Variants in DENND4C observed in about 807,000 individuals in gnomAD.
The protein encoded by DENND4C is DENN domain containing 4C, also known as DENN domain-containing protein 4C.
In DENND4C, 108 loss-of-function variants were observed where a neutral mutation model predicts 203.0. The observed-to-expected ratio is 0.53, with a 90% CI of 0.46 to 0.62. The LOEUF (loss-of-function observed/expected upper bound fraction) is 0.62. Among genes scored for constraint, DENND4C ranks in the 20% least tolerant of loss-of-function variants. The pLI, the probability that DENND4C is intolerant of heterozygous loss-of-function variation, is 0.00. For missense variants in DENND4C, 2,481 were observed against 2,301.2 expected (o/e 1.08, Z -1.60); for synonymous variants, 871 against 792.4 (o/e 1.10, Z -1.67).
chr9:19,287,451 C>G (rs1325692854), intron 3 of DENND4C, among the ~76,000 whole-genome samples: 1 of 151,826 alleles, frequency 6.6e-6, no homozygotes, highest in Non-Finnish European at 1.5e-5. Context: ...AATCACAGCT[C>G]ACTGCAGCCT....
Position 19,259,241 on chromosome 9 carries a change from GCCACCTCCCCA to G in DENND4C, c.-17-16915_-17-16905del, listed in dbSNP as rs1358609629. On this transcript the variant is annotated intron_variant, in intron 1 of 32. Coordinates refer to ENST00000434457, the MANE Select transcript of DENND4C (RefSeq NM_001330640.2). ...CATTAACCGTCTCCATTCCGCCCCC[GCCACCTCCCCA>G]CTGCCCTTTGCAGCGTCTGATAGCT... 2.3e-4 allele frequency among the ~76,000 whole-genome samples: 35 copies of G among 151,236 alleles called. No homozygotes were observed. In the East Asian group the frequency reaches 6.8e-3, roughly 29 times the overall value.
At chr9:19,371,997 C>T (rs1828933426) in intron 32 of DENND4C, 40 bp from the exon 33 acceptor site, 2 of 1,589,876 alleles carry the variant, frequency 1.3e-6, no homozygotes, top group East Asian at 2.2e-5. Context: ...TGTTGTCTTT[C>T]TTAACAAATT....
chr9:19,231,199 G>A (rs1820453138), intron 1 of DENND4C, among the ~76,000 whole-genome samples: 1 of 152,226 alleles, frequency 6.6e-6, no homozygotes. Flanking sequence ...GGGCCGGGGT[G>A]CGGAGGGAGC....
rs925421516 is a variant in DENND4C at position 19,334,996 on chromosome 9, T to C, written c.2480T>C (p.Met827Thr). The C allele has an allele frequency of 6.2e-7, 1 of 1,606,746 alleles. No individual in the cohort carries two copies. Among genetic ancestry groups the C allele is most frequent in the Non-Finnish European group, 8.5e-7 (1 of 1,177,752 alleles). Reference protein sequence around the residue: ...PLDEVCYRVVMQLCGLWGHPV... With the variant: ...PLDEVCYRVVTQLCGLWGHPV... ...TGTTAGGTGTGCTATCGAGTAGTGA[T>C]GCAGCTTTGTGGACTTTGGGGTCAT... The change falls in exon 18 of 33, where the codon ATG becomes ACG. Residue 827 changes from methionine to threonine, a missense_variant. Physicochemically the swap from Met to Thr is moderately conservative, Grantham distance 81. Transcript: ENST00000434457.
At chr9:19,334,855 C>A in intron 17 of DENND4C, 122 bp from the exon 18 acceptor site, 1 of 1,032,714 alleles carries the variant, frequency 9.7e-7, no homozygotes, top group Non-Finnish European at 1.4e-6. Flanking sequence ...CTAAGATGCT[C>A]AAAGCAGAAC....
chr9:19,351,006 GC>G (rs1823996226), intron 24 of DENND4C, 127 bp downstream of exon 24: 1 of 866,308 alleles, frequency 1.2e-6, no homozygotes, highest in African/African-American at 1.7e-5. Context: ...CAAGCAATCT[GC>G]CTGCCTCGGC....
At chr9:19,279,471 T>TC (rs1393694171) in intron 2 of DENND4C, among the ~76,000 whole-genome samples, 1 of 151,998 alleles carries the variant, frequency 6.6e-6, no homozygotes, top group Non-Finnish European at 1.5e-5. Flanking sequence ...GGTCAGGAGT[T>TC]CAAGACCAGC....
intron 12 of DENND4C, among the ~76,000 whole-genome samples, chr9:19,321,831 C>CAAA (rs35648828): frequency 3.5e-5 from 3 of 86,864 alleles, no homozygotes; most frequent in Non-Finnish European, 4.8e-5. Flanking sequence ...GACTCCATCT[C>CAAA]AAAAAAAAAA....
intron 16 of DENND4C, among the ~76,000 whole-genome samples, chr9:19,331,437 G>A (rs530309768): frequency 6.6e-5 from 10 of 152,088 alleles, no homozygotes; most frequent in African/African-American, 2.4e-4. Flanking sequence ...TCCTGACCTC[G>A]TGATCCATCT....
chr9:19,346,383 A>G lies in DENND4C; in HGVS notation c.3614A>G (p.Tyr1205Cys), dbSNP rs1432554403. ...VPKTTATVDTYESLLSDSNSN... is the reference protein window; with the variant it reads ...VPKTTATVDTCESLLSDSNSN... The stretch of plus-strand genomic sequence containing the variant: ...AAAACTACTGCAACAGTAGATACAT[A>G]TGAGAGTCTACTAAGTGATAGTAAC... Residue 1205 changes from tyrosine (Y) to cysteine (C), a missense_variant, in exon 23 of 33, where the codon TAT becomes TGT. Transcript: ENST00000434457. The G allele has an allele frequency of 6.2e-7, 1 of 1,614,160 alleles. No homozygotes were observed.
intron 30 of DENND4C, 43 bp downstream of exon 30, chr9:19,362,006 G>C (rs1826590262): frequency 1.6e-6 from 2 of 1,235,710 alleles, no homozygotes; most frequent in African/African-American, 3.0e-5. Context: ...AGGTGCAGTG[G>C]CTCGCACCTG....
intron 1 of DENND4C, among the ~76,000 whole-genome samples, chr9:19,262,316 G>C (rs976966935): frequency 2.6e-5 from 4 of 151,952 alleles, no homozygotes; most frequent in African/African-American, 9.7e-5. Context: ...TTGAACTCCT[G>C]ACCTCAGGTG....
In DENND4C at chr9:19,352,088, C is replaced by T; in HGVS notation, c.4511C>T (p.Pro1504Leu). The change falls in exon 25 of 33, where the codon CCA becomes CTA. Residue 1504 changes from proline to leucine, a missense_variant. By Grantham distance (98) the Pro-to-Leu change is moderately conservative. Coordinates refer to ENST00000434457, the MANE Select transcript of DENND4C (RefSeq NM_001330640.2). ...TCCTTTGTAGGTGAAGTTCCATTTCCAAGAGGCATGAAAGGGCAAGACTTT... is the reference window on the plus strand; with the variant it reads ...TCCTTTGTAGGTGAAGTTCCATTTCTAAGAGGCATGAAAGGGCAAGACTTT... ...LHYPTGEVPF[P>L]RGMKGQDFEK... The T allele has an allele frequency of 1.2e-6, 2 of 1,613,668 alleles. No individual in the cohort carries two copies. The highest frequency in any genetic ancestry group is 1.7e-6 in the Non-Finnish European group (2 of 1,179,806).
Position 19,336,784 on chromosome 9 carries a change from G to A in DENND4C, c.2833G>A (p.Val945Ile), listed in dbSNP as rs940668944. 1.5e-5 allele frequency: 23 copies of A among 1,550,692 alleles called. No homozygotes were observed. In the East Asian group the frequency reaches 2.9e-4, roughly 20 times the overall value. The stretch of plus-strand genomic sequence containing the variant: ...TAACAATGGGGAGCACACAGTCTTC[G>A]TCAGAGATTTAATCAGGCTTGAGTC... ...DANNGEHTVF[V>I]RDLIRLESID... Residue 945 changes from valine to isoleucine, a missense_variant, in exon 20 of 33, where the codon GTC (valine) becomes ATC (isoleucine). By Grantham distance (29) the Val-to-Ile change is conservative (BLOSUM62 3). Coordinates refer to ENST00000434457, the MANE Select transcript of DENND4C (RefSeq NM_001330640.2).
intron 26 of DENND4C, among the ~76,000 whole-genome samples, chr9:19,355,471 G>T (rs537337242): frequency 6.6e-6 from 1 of 152,110 alleles, no homozygotes; most frequent in South Asian, 2.1e-4. Context: ...ATATATGATG[G>T]TAGAGATCCA....
chr9:19,306,641 T>G (rs1288231958), intron 10 of DENND4C, among the ~76,000 whole-genome samples: 1 of 152,028 alleles, frequency 6.6e-6, no homozygotes, highest in African/African-American at 2.4e-5. Context: ...CTGAATAAAA[T>G]AATATGGAGA....
intron 1 of DENND4C, among the ~76,000 whole-genome samples, chr9:19,238,328 G>A (rs1056409785): frequency 4.4e-4 from 66 of 151,154 alleles, no homozygotes; most frequent in Non-Finnish European, 5.0e-4. Context: ...GTGATCTGCC[G>A]GCCTTGGCCT....
At chr9:19,304,541 AT>A (rs1277125184) in intron 9 of DENND4C, among the ~76,000 whole-genome samples, 147 of 130,928 alleles carry the variant, frequency 1.1e-3, no homozygotes, top group Non-Finnish European at 8.9e-4. Flanking sequence ...AGAGTTACGA[AT>A]TTTTTTTTTT....
intron 2 of DENND4C, among the ~76,000 whole-genome samples, chr9:19,280,750 A>G (rs1006837297): frequency 2.0e-5 from 3 of 151,414 alleles, no homozygotes; most frequent in Admixed American, 1.3e-4. Flanking sequence ...AATAAGGAGA[A>G]TTTTTTTGAG....
Sources: allele counts gnomAD v4.1 joint callset (sites outside exome capture counted in the v4.1 genomes callset), GRCh38; gene constraint gnomAD v4.1.1; transcripts MANE v1.5; gene names NCBI Gene and HGNC (gene_info 2026-07-23, HGNC 2026-07-21).